RAD17: variants seen among roughly 807,000 people sequenced by gnomAD.
RAD17 encodes the protein RAD17 checkpoint clamp loader component.
RAD17 carries 31 observed loss-of-function variants against 81.5 expected under a neutral mutation model. The ratio of observed to expected loss-of-function variants is 0.38; its 90% CI spans 0.29 to 0.51. The LOEUF is 0.51. RAD17 is among the 20% of genes least tolerant of loss of function. RAD17 has a pLI of 0.88. For synonymous variants in RAD17, 261 were observed against 266.2 expected (o/e 0.98, Z 0.19); for missense variants, 681 against 781.2 (o/e 0.87, Z 1.53).
intron 4 of RAD17, among the ~76,000 whole-genome samples, chr5:69,373,085 G>A (rs769312939): frequency 6.6e-5 from 10 of 152,190 alleles, no homozygotes; most frequent in African/African-American, 1.2e-4. Context: ...TTATTTGGAT[G>A]TATGAAATGG....
chr5:69,400,025 C>CA, intron 16 of RAD17, 24 bp from the exon 17 acceptor site: 1 of 1,313,130 alleles, frequency 7.6e-7, no homozygotes, highest in Non-Finnish European at 1.0e-6. Flanking sequence ...TTCCTTTCAT[C>CA]TTTTTTTTTT....
At chr5:69,394,690 A>G (rs2150841032) in intron 15 of RAD17, among the ~76,000 whole-genome samples, 1 of 152,306 alleles carries the variant, frequency 6.6e-6, no homozygotes. Context: ...CAGCCCAGAT[A>G]CAAAACATTT....
Position 69,393,355 on chromosome 5 carries a change from A to T in RAD17, c.1277A>T (p.Glu426Val). The change falls in exon 15 of 19, where the codon GAG (glutamate) becomes GTG (valine). Residue 426 changes from glutamate to valine, a missense_variant and splice_region_variant. Coordinates refer to ENST00000354868, the MANE Select transcript of RAD17 (RefSeq NM_133338.3). ...ATGTATATATGCTTCTTTTTATAGG[A>T]GGTAGTAGAAATGTCACACATGCCT... ...ERDTLLVEPEEVVEMSHMPGD... is the reference protein window; with the variant it reads ...ERDTLLVEPEVVVEMSHMPGD... 6.3e-7 allele frequency: 1 copy of T among 1,589,180 alleles called. No homozygotes were observed. The highest frequency in any genetic ancestry group is 1.4e-5 in the African/African-American group (1 of 73,616).
chr5:69,369,307 C>T (rs1022385507), upstream of RAD17: 55 of 717,758 alleles, frequency 7.7e-5, no homozygotes, highest in Admixed American at 1.3e-4. Flanking sequence ...GCAACGCCCG[C>T]GAGGGTCGGC....
At position 69,408,320 on chromosome 5, in the gene RAD17, CAT is replaced by C. The variant is rs745745709; in HGVS notation, c.1694-2172_1694-2171del. 3.6e-4 allele frequency among the ~76,000 whole-genome samples: 54 copies of C among 151,998 alleles called. 1 individual carries two copies. Among genetic ancestry groups the C allele is most frequent in the Non-Finnish European group, 7.6e-4 (52 of 68,006 alleles). On this transcript the variant is annotated intron_variant, in intron 17 of 18. Transcript: ENST00000354868. Reference sequence around the variant, plus strand: ...ATTTGTTTAGTGACTTGGCTAAACTCATGTAATGAAGTCTGTCTTTTGCAACA... The same window carrying C: ...ATTTGTTTAGTGACTTGGCTAAACTCGTAATGAAGTCTGTCTTTTGCAACA...
chr5:69,397,031 A>G (rs1764935958), intron 16 of RAD17, among the ~76,000 whole-genome samples: 1 of 151,984 alleles, frequency 6.6e-6, no homozygotes, highest in South Asian at 2.1e-4. Context: ...ACAGGGTTTC[A>G]CCATGTTGGC....
intron 6 of RAD17, among the ~76,000 whole-genome samples, chr5:69,380,786 G>C (rs1330200536): frequency 7.2e-6 from 1 of 139,460 alleles, no homozygotes; most frequent in Non-Finnish European, 1.5e-5. Context: ...TTTTTTTTCT[G>C]AGACAGGATC....
chr5:69,408,846 C>G (rs1025219899), intron 17 of RAD17, among the ~76,000 whole-genome samples: 2 of 152,112 alleles, frequency 1.3e-5, no homozygotes, highest in Non-Finnish European at 2.9e-5. Context: ...CTGTTTTCAG[C>G]AGTGCTCTAG....
chr5:69,411,602 T>C (rs1351727724), intron 18 of RAD17, among the ~76,000 whole-genome samples: 1 of 152,204 alleles, frequency 6.6e-6, no homozygotes, highest in Non-Finnish European at 1.5e-5. Flanking sequence ...AATGTTTTTT[T>C]CTGTATACTG....
In RAD17 at chr5:69,377,437, GTGTATATATATA is replaced by G. The variant is rs1431561559; in HGVS notation, c.351+2728_351+2739del. Reference sequence around the variant, plus strand: ...TAGGTATATGTGTGTGTGTGTGTGTGTGTATATATATATATATATATATATATATATATATAT... The same window carrying G: ...TAGGTATATGTGTGTGTGTGTGTGTGTATATATATATATATATATATATAT... On this transcript the variant is annotated intron_variant, in intron 6 of 18. Transcript: ENST00000354868. Among the ~76,000 whole-genome samples the G allele has an allele frequency of 8.3e-3, 214 of 25,764 alleles. 4 individuals are homozygous for G. The highest frequency in any genetic ancestry group is 0.022 in the African/African-American group (199 of 9,242). The allele number at this position is 25,764 out of a possible 152,430, so 16.9% of individuals were successfully genotyped here.
Position 69,410,745 on chromosome 5 carries a change from A to T in RAD17, c.1751+195A>T, listed in dbSNP as rs77031399. Among the ~76,000 whole-genome samples, 1,455 of 152,042 alleles carry T rather than the reference A, an allele frequency of 9.6e-3. 12 individuals are homozygous for T. The highest frequency in any genetic ancestry group is 0.017 in the Middle Eastern group (5 of 294). On this transcript the variant is annotated intron_variant, in intron 18 of 18. Coordinates refer to ENST00000354868, the MANE Select transcript of RAD17 (RefSeq NM_133338.3). Reference sequence around the variant, plus strand: ...TATCTTCACCCACTCCCAATGGACTATACCAGATTAAATGGAAGCATGGAA... The same window carrying T: ...TATCTTCACCCACTCCCAATGGACTTTACCAGATTAAATGGAAGCATGGAA...
chr5:69,406,138 T>C (rs954280226), intron 17 of RAD17, among the ~76,000 whole-genome samples: 21 of 152,044 alleles, frequency 1.4e-4, no homozygotes, highest in Non-Finnish European at 2.2e-4. Context: ...AACCAAGATA[T>C]AGCGTCAGTC....
intron 17 of RAD17, among the ~76,000 whole-genome samples, chr5:69,406,835 G>T (rs1014201966): frequency 1.3e-5 from 2 of 151,714 alleles, no homozygotes; most frequent in Non-Finnish European, 2.9e-5. Flanking sequence ...AAAATGCTGA[G>T]AGTGAATGTA....
chr5:69,388,979 G>A lies in RAD17; in HGVS notation c.895-55G>A, dbSNP rs546969251. ...TTTAGAAAATAGGTTGGGGTTTTTT[G>A]TTGTTGTTATTTTTAAGAAAATACT... is the stretch of plus-strand genomic sequence containing the variant. On this transcript the variant is annotated intron_variant, in intron 11 of 18. Coordinates refer to ENST00000354868, the MANE Select transcript of RAD17 (RefSeq NM_133338.3). 6.5e-6 allele frequency: 6 copies of A among 922,726 alleles called. No individual in the cohort carries two copies. In the South Asian group the frequency reaches 1.4e-4, roughly 22 times the overall value. The allele number at this position is 922,726 out of a possible 1,614,324, so 57.2% of individuals were successfully genotyped here.
At chr5:69,380,886 C>G (rs1763812383) in intron 6 of RAD17, among the ~76,000 whole-genome samples, 1 of 151,788 alleles carries the variant, frequency 6.6e-6, no homozygotes, top group African/African-American at 2.4e-5. Context: ...CCACCTCAGC[C>G]TCCTGACCAG....
At chr5:69,400,291 C>T (rs1202742434) in intron 17 of RAD17, 122 bp downstream of exon 17, 2 of 599,176 alleles carry the variant, frequency 3.3e-6, no homozygotes, top group African/African-American at 1.9e-5. Context: ...GATCTCGGCT[C>T]ACTGCAACCT....
chr5:69,408,488 T>G (rs1765770396), intron 17 of RAD17, among the ~76,000 whole-genome samples: 1 of 151,238 alleles, frequency 6.6e-6, no homozygotes, highest in South Asian at 2.1e-4. Context: ...GTTATCACAC[T>G]GTTGGCTACC....
At chr5:69,387,645 G>T (rs146145960) in intron 11 of RAD17, among the ~76,000 whole-genome samples, 23 of 152,238 alleles carry the variant, frequency 1.5e-4, no homozygotes, top group African/African-American at 5.5e-4. Flanking sequence ...ATCACCTGAG[G>T]TCAGGAGTTC....
intron 2 of RAD17, 87 bp downstream of exon 2, chr5:69,371,258 A>T: frequency 1.8e-6 from 1 of 567,914 alleles, no homozygotes. Context: ...CACCACAAGT[A>T]GATTATTTGA....
Sources: allele counts gnomAD v4.1 joint callset (sites outside exome capture counted in the v4.1 genomes callset), GRCh38; gene constraint gnomAD v4.1.1; transcripts MANE v1.5; gene names NCBI Gene and HGNC (gene_info 2026-07-23, HGNC 2026-07-21).